Variants in SP140L observed in about 807,000 individuals in gnomAD.
The protein encoded by SP140L is SP140 like nuclear body protein.
A neutral mutation model predicts 84.3 loss-of-function variants in SP140L; 64 were observed. That is an observed-to-expected ratio of 0.76 (90% CI 0.62 to 0.94). The LOEUF (loss-of-function observed/expected upper bound fraction) is 0.94, where lower values mean the gene tolerates loss of function less well. Ranked by LOEUF, SP140L falls within the 40% of genes least tolerant of loss-of-function variation. The pLI is 0.00. For synonymous variants in SP140L, 242 were observed against 236.9 expected (o/e 1.02, Z -0.20); for missense variants, 628 against 692.5 (o/e 0.91, Z 1.05).
At chr2:230,345,552 T>C (rs1280588444) in intron 2 of SP140L, among the ~76,000 whole-genome samples, 7 of 152,058 alleles carry the variant, frequency 4.6e-5, no homozygotes, top group Non-Finnish European at 1.0e-4. Flanking sequence ...CTGGCTGTTT[T>C]GTAATTTGTA....
At chr2:230,381,778 G>C (rs1358186482) in intron 7 of SP140L, among the ~76,000 whole-genome samples, 6 of 151,152 alleles carry the variant, frequency 4.0e-5, no homozygotes, top group Non-Finnish European at 8.8e-5. Flanking sequence ...AACCGTGAAT[G>C]CTTTAGGTCT....
intron 2 of SP140L, among the ~76,000 whole-genome samples, chr2:230,335,234 A>G (rs986199716): frequency 6.6e-6 from 1 of 151,842 alleles, no homozygotes; most frequent in African/African-American, 2.4e-5. Flanking sequence ...CTTTACTTCA[A>G]CTTTGTTGAG....
Position 230,403,307 on chromosome 2 carries a change from G to C in SP140L, c.*411G>C, listed in dbSNP as rs2062435051. The C allele has an allele frequency of 6.3e-6, 1 of 159,838 alleles. No individual in the cohort carries two copies. Among genetic ancestry groups the C allele is most frequent in the African/African-American group, 2.4e-5 (1 of 41,462 alleles). 9.9% of individuals were successfully genotyped at this position (159,838 alleles called of 1,614,324 possible). A position where few individuals can be genotyped will look rare whatever the true frequency, so the allele number is the denominator to read the frequency against. The stretch of plus-strand genomic sequence containing the variant: ...CAACCTCTGCCTCCCGGATTCAAGT[G>C]ATTCTCCTGTCTCAGCCTCCCAAGT... On this transcript the variant is annotated 3_prime_UTR_variant, in exon 19 of 19. Coordinates refer to ENST00000415673, the MANE Select transcript of SP140L (RefSeq NM_138402.6).
chr2:230,388,619 G>A lies in SP140L; in HGVS notation c.845G>A (p.Arg282Lys). ...FTQSDRAPQK[R>K]VRSRASRKHK... Reference sequence around the variant, plus strand: ...CAGAGTGACAGAGCTCCACAGAAAAGAGTCCGATCAAGAGGTAAAAAAGAA... The same window carrying A: ...CAGAGTGACAGAGCTCCACAGAAAAAAGTCCGATCAAGAGGTAAAAAAGAA... Residue 282 changes from arginine (R) to lysine (K), a missense_variant, in exon 10 of 19, where the codon AGA (arginine) becomes AAA (lysine). Physicochemically the swap from Arg to Lys is conservative, Grantham distance 26. This residue lies in a region of SP140L where 525 missense variants were observed against 518.4 expected (regional missense o/e 1.01). Transcript: ENST00000415673. The A allele has an allele frequency of 6.2e-7, 1 of 1,608,912 alleles. No individual in the cohort carries two copies. Among genetic ancestry groups the A allele is most frequent in the Non-Finnish European group, 8.5e-7 (1 of 1,178,260 alleles).
chr2:230,370,470 C>T (rs2061027896), intron 5 of SP140L, among the ~76,000 whole-genome samples: 1 of 152,170 alleles, frequency 6.6e-6, no homozygotes, highest in Non-Finnish European at 1.5e-5. Flanking sequence ...CTGTGTCACA[C>T]TTCTCACTGA....
At chr2:230,376,806 G>A (rs1333137556) in intron 7 of SP140L, among the ~76,000 whole-genome samples, 13 of 152,048 alleles carry the variant, frequency 8.5e-5, no homozygotes, top group South Asian at 2.1e-4. Flanking sequence ...GCATCACACC[G>A]TATGATTTTA....
In SP140L at chr2:230,343,588, G is replaced by A. The variant is rs1005387899; in HGVS notation, c.108-14217G>A. Among the ~76,000 whole-genome samples the A allele has an allele frequency of 6.7e-5, 8 of 119,146 alleles. No individual in the cohort carries two copies. The East Asian group carries it at 1.9e-3, about 29-fold the overall frequency. The allele number at this position is 119,146 out of a possible 152,430, so 78.2% of individuals were successfully genotyped here. ...TAATAGAATGATTTATATTCCTTTG[G>A]GTATATATCCAGTAATGGGATTGCT... On this transcript the variant is annotated intron_variant, in intron 2 of 18. Transcript: ENST00000415673.
chr2:230,374,127 C>T (rs981563499), intron 7 of SP140L, among the ~76,000 whole-genome samples: 1 of 152,066 alleles, frequency 6.6e-6, no homozygotes, highest in African/African-American at 2.4e-5. Context: ...ACCAGCCTGG[C>T]CAATATGGTG....
At chr2:230,357,532 A>G (rs72495168) in intron 2 of SP140L, among the ~76,000 whole-genome samples, 18,371 of 152,198 alleles carry the variant, frequency 0.12, 1,162 homozygotes, top group Middle Eastern at 0.15. Flanking sequence ...TATTCCAGAT[A>G]TGGTTAGGTG....
chr2:230,391,895 C>G, intron 11 of SP140L, 192 bp from the exon 12 acceptor site: 1 of 644,882 alleles, frequency 1.6e-6, no homozygotes, highest in Non-Finnish European at 2.6e-6. Flanking sequence ...TGTGCACCCC[C>G]ACCAGGAAAT....
At chr2:230,373,878 T>C (rs1048706133) in intron 7 of SP140L, among the ~76,000 whole-genome samples, 8 of 152,322 alleles carry the variant, frequency 5.3e-5, no homozygotes, top group African/African-American at 1.7e-4. Flanking sequence ...ATTAAGAACA[T>C]TCATGATTCA....
chr2:230,376,223 T>C (rs1011139041), intron 7 of SP140L, among the ~76,000 whole-genome samples: 1 of 152,152 alleles, frequency 6.6e-6, no homozygotes, highest in African/African-American at 2.4e-5. Context: ...CTTCTTGACA[T>C]TTGTATTTAT....
At chr2:230,401,236 T>C (rs2062323673) in intron 16 of SP140L, 130 bp from the exon 17 acceptor site, 39 of 1,378,290 alleles carry the variant, frequency 2.8e-5, no homozygotes, top group Middle Eastern at 3.9e-4. Context: ...AGCCATGACA[T>C]GTCTGTTTCC....
At chr2:230,351,084 T>A (rs1290225041) in intron 2 of SP140L, among the ~76,000 whole-genome samples, 1 of 152,172 alleles carries the variant, frequency 6.6e-6, no homozygotes, top group East Asian at 1.9e-4. Context: ...GCAGTTCTTG[T>A]TTCTATAGGA....
At chr2:230,397,702 T>G (rs181468083) in intron 14 of SP140L, among the ~76,000 whole-genome samples, 1 of 152,244 alleles carries the variant, frequency 6.6e-6, no homozygotes, top group African/African-American at 2.4e-5. Flanking sequence ...CACATAATAG[T>G]TAGCAGAGGA....
At chr2:230,327,648 T>G (rs1480849592) in intron 1 of SP140L, among the ~76,000 whole-genome samples, 1 of 152,228 alleles carries the variant, frequency 6.6e-6, no homozygotes, top group Non-Finnish European at 1.5e-5. Flanking sequence ...TATATGTTTG[T>G]GTTTCAACAA....
In SP140L at chr2:230,370,953, C is replaced by T. The variant is rs1178634649; in HGVS notation, c.569C>T (p.Ala190Val). ...GAAGCAAGGAAGGAAAGTGACCAAG[C>T]ATGTGGCAAAATGGGTAAGGCTGCC... The part of the protein sequence containing the change: ...SPEARKESDQ[A>V]CGKMDTVDIA... The change falls in exon 6 of 19, where the codon GCA becomes GTA. Residue 190 changes from alanine (A) to valine (V), a missense_variant. Ala to Val is a moderately conservative substitution (Grantham distance 64). Transcript: ENST00000415673. 1.2e-6 allele frequency: 2 copies of T among 1,613,768 alleles called. No homozygotes were observed. Among genetic ancestry groups the T allele is most frequent in the East Asian group, 2.2e-5 (1 of 44,870 alleles).
rs1464516785 is a variant in SP140L, at chr2:230,383,583, G to A, written c.703+8G>A. On this transcript the variant is annotated splice_region_variant and intron_variant, in intron 8 of 18. Coordinates refer to ENST00000415673, the MANE Select transcript of SP140L (RefSeq NM_138402.6). ...AAAACAACCAACAAAATGGTAAGCA[G>A]GCAAAGTGAAGTAGTTACAGCTTTT... The A allele has an allele frequency of 8.8e-6, 14 of 1,598,088 alleles. No individual in the cohort carries two copies. The highest frequency in any genetic ancestry group is 1.3e-5 in the African/African-American group (1 of 74,776).
At chr2:230,354,909 AAG>A (rs2060492837) in intron 2 of SP140L, among the ~76,000 whole-genome samples, 1 of 136,012 alleles carries the variant, frequency 7.4e-6, no homozygotes, top group East Asian at 2.5e-4. Flanking sequence ...AAAGAGAAAG[AAG>A]AAAGAAAAAG....
Sources: allele counts gnomAD v4.1 joint callset (sites outside exome capture counted in the v4.1 genomes callset), GRCh38; gene constraint gnomAD v4.1.1; regional missense constraint gnomAD v4.1.1; transcripts MANE v1.5; gene names NCBI Gene and HGNC (gene_info 2026-07-23, HGNC 2026-07-21).